Variants in SDK1 observed in about 807,000 individuals in gnomAD.
SDK1 encodes sidekick cell adhesion molecule 1, also known as protein sidekick-1.
SDK1 carries 157 observed loss-of-function variants against 245.5 expected under a neutral mutation model. That is an observed-to-expected ratio of 0.64 (90% CI 0.56 to 0.73). The LOEUF is 0.73. Ranked by LOEUF, SDK1 falls within the 30% of genes least tolerant of loss-of-function variation. The probability of loss-of-function intolerance (pLI) is 0.00; values close to 1 mark genes in which losing one functional copy is unlikely to be tolerated. For missense variants in SDK1, 3,583 were observed against 3,002.3 expected (o/e 1.19, Z -4.52); for synonymous variants, 1,647 against 1,278.5 (o/e 1.29, Z -6.15).
intron 44 of SDK1, among the ~76,000 whole-genome samples, chr7:4,246,509 G>A (rs1440662540): frequency 6.6e-6 from 1 of 152,104 alleles, no homozygotes; most frequent in Non-Finnish European, 1.5e-5. Flanking sequence ...ATCCTGCAGG[G>A]CGGATAGAAA....
intron 17 of SDK1, among the ~76,000 whole-genome samples, chr7:4,027,169 T>G (rs1230866277): frequency 1.3e-5 from 2 of 152,122 alleles, no homozygotes; most frequent in Non-Finnish European, 2.9e-5. Context: ...CCCTGAATGG[T>G]CCAGTGAAGG....
At chr7:4,127,569 C>A (rs1784472817) in intron 26 of SDK1, 73 bp downstream of exon 26, 1 of 1,080,960 alleles carries the variant, frequency 9.3e-7, no homozygotes. Flanking sequence ...GCTATTCCCC[C>A]AAAGCAACGA....
intron 35 of SDK1, among the ~76,000 whole-genome samples, chr7:4,197,249 G>A (rs6972951): frequency 0.29 from 43,778 of 151,318 alleles, 6,698 homozygotes; most frequent in Non-Finnish European, 0.31. Flanking sequence ...GGATTGCTTG[G>A]GCTCAGGATT....
At chr7:3,948,858 G>C (rs558309541) in intron 5 of SDK1, among the ~76,000 whole-genome samples, 9 of 152,358 alleles carry the variant, frequency 5.9e-5, no homozygotes, top group African/African-American at 2.2e-4. Context: ...TGGCTGAGCA[G>C]TGATTAATGC....
rs766138461 is a variant in SDK1 at position 3,642,113 on chromosome 7, G to T, written c.713+8G>T. ...TATTCCAAGCAACAGAATGTAAGTT[G>T]CTCCAAACGTTAAAGCTTCAAATAC... On this transcript the variant is annotated splice_region_variant and intron_variant, in intron 4 of 44. Coordinates refer to ENST00000404826, the MANE Select transcript of SDK1 (RefSeq NM_152744.4). The T allele has an allele frequency of 1.9e-6, 3 of 1,613,406 alleles. No homozygotes were observed. Among genetic ancestry groups the T allele is most frequent in the Non-Finnish European group, 2.5e-6 (3 of 1,179,648 alleles).
chr7:3,308,431 T>A (rs1779471623), intron 1 of SDK1, among the ~76,000 whole-genome samples: 1 of 152,170 alleles, frequency 6.6e-6, no homozygotes, highest in Non-Finnish European at 1.5e-5. Flanking sequence ...ACAAAGGGTC[T>A]TTAAAATTAA....
intron 4 of SDK1, among the ~76,000 whole-genome samples, chr7:3,688,740 G>C (rs1393583504): frequency 6.6e-6 from 1 of 152,202 alleles, no homozygotes; most frequent in East Asian, 1.9e-4. Flanking sequence ...ACTTTTTAGA[G>C]GGAAAATACT....
At chr7:3,826,711 C>CT (rs1779785053) in intron 5 of SDK1, among the ~76,000 whole-genome samples, 3 of 152,330 alleles carry the variant, frequency 2.0e-5, no homozygotes, top group African/African-American at 7.2e-5. Context: ...CAGACCCTTC[C>CT]TTGGGATAGC....
intron 4 of SDK1, among the ~76,000 whole-genome samples, chr7:3,721,462 CAA>C (rs752296126): frequency 3.3e-5 from 5 of 152,136 alleles, no homozygotes; most frequent in African/African-American, 4.8e-5. Context: ...GAATTAAAGA[CAA>C]TATGAATGAG....
At chr7:4,223,389 T>C (rs866152397) in intron 40 of SDK1, among the ~76,000 whole-genome samples, 8 of 152,348 alleles carry the variant, frequency 5.3e-5, no homozygotes, top group African/African-American at 1.7e-4. Context: ...ATGGGTTGTC[T>C]CACAGTTCTG....
intron 4 of SDK1, among the ~76,000 whole-genome samples, chr7:3,765,547 C>A (rs955109735): frequency 3.9e-5 from 6 of 152,172 alleles, no homozygotes; most frequent in African/African-American, 1.4e-4. Flanking sequence ...TAGTGTCCAC[C>A]TGTATCTGTG....
At chr7:3,801,778 G>A (rs1305095596) in intron 4 of SDK1, among the ~76,000 whole-genome samples, 2 of 152,140 alleles carry the variant, frequency 1.3e-5, no homozygotes, top group Non-Finnish European at 2.9e-5. Flanking sequence ...CCATTGCAGG[G>A]CCTTTGCACT....
rs550804929 is a variant in SDK1, at chr7:3,555,196, T to A, written c.299-63884T>A. On this transcript the variant is annotated intron_variant, in intron 1 of 44. Transcript: ENST00000404826. ...GACTTGAAGTTATACTACAGAGCTA[T>A]AGTAACCAAAACAACATGGTATGGG... Among the ~76,000 whole-genome samples, 214 of 152,274 alleles carry A rather than the reference T, an allele frequency of 1.4e-3. 2 individuals are homozygous for A. Among genetic ancestry groups the A allele is most frequent in the South Asian group, 7.3e-3 (35 of 4,824 alleles).
chr7:4,066,529 G>C (rs979828549), intron 19 of SDK1, among the ~76,000 whole-genome samples: 1 of 152,194 alleles, frequency 6.6e-6, no homozygotes, highest in African/African-American at 2.4e-5. Context: ...TGGCTATAGA[G>C]AGACCATGGA....
intron 7 of SDK1, among the ~76,000 whole-genome samples, chr7:3,952,537 C>T (rs749606839): frequency 6.6e-6 from 1 of 151,912 alleles, no homozygotes; most frequent in Admixed American, 6.6e-5. Context: ...GAGCCAAGAT[C>T]GCATCATTGC....
chr7:4,159,018 G>A (rs982784748), intron 31 of SDK1, among the ~76,000 whole-genome samples: 1 of 152,210 alleles, frequency 6.6e-6, no homozygotes, highest in Non-Finnish European at 1.5e-5. Flanking sequence ...TTGTTATTCT[G>A]TGTGGCCCAG....
chr7:3,594,046 C>G (rs1287441247), intron 1 of SDK1, among the ~76,000 whole-genome samples: 1 of 152,098 alleles, frequency 6.6e-6, no homozygotes, highest in Non-Finnish European at 1.5e-5. Flanking sequence ...TCATCATAAT[C>G]TAATTTTAGA....
chr7:3,974,467 C>T lies in SDK1; in HGVS notation c.1916C>T (p.Ser639Leu). The change falls in exon 13 of 45, where the codon TCA (serine) becomes TTA (leucine). Residue 639 changes from serine to leucine, a missense_variant. By Grantham distance (145) the Ser-to-Leu change is moderately radical. Transcript: ENST00000404826. ...DGSLLISQTWSGDIGDYSCEI... is the reference protein window; with the variant it reads ...DGSLLISQTWLGDIGDYSCEI... ...TCCCTTCTCATCAGCCAGACGTGGT[C>T]AGGCGACATCGGTGACTACAGCTGC... The T allele has an allele frequency of 1.2e-6, 2 of 1,614,152 alleles. No individual in the cohort carries two copies. Among genetic ancestry groups the T allele is most frequent in the Non-Finnish European group, 1.7e-6 (2 of 1,180,030 alleles).
At chr7:3,533,297 G>A (rs960383647) in intron 1 of SDK1, among the ~76,000 whole-genome samples, 3 of 152,146 alleles carry the variant, frequency 2.0e-5, no homozygotes, top group Non-Finnish European at 4.4e-5. Flanking sequence ...AAGGATGTGA[G>A]CTCTACTAAG....
Sources: gnomAD v4.1 joint callset for allele counts (sites outside exome capture counted in the v4.1 genomes callset) on GRCh38, gnomAD v4.1.1 for gene constraint, MANE v1.5 for transcripts, NCBI Gene and HGNC (gene_info 2026-07-23, HGNC 2026-07-21) for gene names.